NAALADL2: variants seen among roughly 807,000 people sequenced by gnomAD.
NAALADL2 encodes N-acetylated alpha-linked acidic dipeptidase like 2, also known as inactive N-acetylated-alpha-linked acidic dipeptidase-like protein 2.
A neutral mutation model predicts 87.2 loss-of-function variants in NAALADL2; 76 were observed. The ratio of observed to expected loss-of-function variants is 0.87; its 90% confidence interval spans 0.72 to 1.05. The LOEUF (loss-of-function observed/expected upper bound fraction) is 1.05, where lower values mean the gene tolerates loss of function less well. Among genes scored for constraint, NAALADL2 ranks in the 50% least tolerant of loss-of-function variants. The pLI, the probability that NAALADL2 is intolerant of heterozygous loss-of-function variation, is 0.00. For synonymous variants in NAALADL2, 354 were observed against 331.0 expected (o/e 1.07, Z -0.75); for missense variants, 1,089 against 945.8 (o/e 1.15, Z -1.99).
chr3:174,644,260 T>G (rs1723552722), intron 2 of NAALADL2, among the ~76,000 whole-genome samples: 1 of 152,212 alleles, frequency 6.6e-6, no homozygotes, highest in African/African-American at 2.4e-5. Flanking sequence ...GCCTTAACAA[T>G]CATATAAACA....
At chr3:174,496,083 G>A (rs1718516639) in intron 1 of NAALADL2, among the ~76,000 whole-genome samples, 1 of 152,082 alleles carries the variant, frequency 6.6e-6, no homozygotes, top group Non-Finnish European at 1.5e-5. Context: ...GCTAGGTGGG[G>A]CACCTCTGGC....
chr3:175,587,981 A>C (rs1321789575), intron 10 of NAALADL2, among the ~76,000 whole-genome samples: 1 of 152,098 alleles, frequency 6.6e-6, no homozygotes, highest in Non-Finnish European at 1.5e-5. Context: ...CCATTTGTGC[A>C]GGGAATTCTG....
Position 175,368,739 on chromosome 3 carries a change from C to T in NAALADL2, c.1090+44414C>T, listed in dbSNP as rs74864117. Reference sequence around the variant, plus strand: ...ACATAACACAAACACATTGTGTAGCCTCCTAAACAACTAGGTTATGTCGTA... The same window carrying T: ...ACATAACACAAACACATTGTGTAGCTTCCTAAACAACTAGGTTATGTCGTA... On this transcript the variant is annotated intron_variant, in intron 5 of 13. Coordinates refer to ENST00000454872, the MANE Select transcript of NAALADL2 (RefSeq NM_207015.3). Among the ~76,000 whole-genome samples the T allele has an allele frequency of 3.5e-3, 528 of 152,130 alleles. 8 individuals are homozygous for T. Among genetic ancestry groups the T allele is most frequent in the African/African-American group, 0.012 (505 of 41,504 alleles).
chr3:174,548,785 T>C (rs565378366), intron 1 of NAALADL2, among the ~76,000 whole-genome samples: 7 of 152,340 alleles, frequency 4.6e-5, no homozygotes, highest in African/African-American at 1.7e-4. Context: ...TCCCATCTTC[T>C]ATACCTTAAA....
intron 1 of NAALADL2, among the ~76,000 whole-genome samples, chr3:174,467,979 A>T (rs944515373): frequency 6.6e-6 from 1 of 152,198 alleles, no homozygotes; most frequent in Non-Finnish European, 1.5e-5. Context: ...GTAAAGGTTA[A>T]GACAAAAATT....
At chr3:175,676,969 G>A (rs1421031216) in intron 11 of NAALADL2, among the ~76,000 whole-genome samples, 1 of 152,152 alleles carries the variant, frequency 6.6e-6, no homozygotes, top group South Asian at 2.1e-4. Context: ...TAGAAACCAG[G>A]AGATATAAAT....
At chr3:174,933,486 T>C (rs774582358) in intron 1 of NAALADL2, among the ~76,000 whole-genome samples, 1 of 152,220 alleles carries the variant, frequency 6.6e-6, no homozygotes, top group Non-Finnish European at 1.5e-5. Context: ...TCATTATAGG[T>C]TCTGACACTT....
intron 1 of NAALADL2, chr3:174,864,127 G>A (rs1377980790): frequency 2.2e-6 from 1 of 451,854 alleles, no homozygotes. Flanking sequence ...AGGCAAAGGT[G>A]CATGTGAAGA....
At position 174,641,043 on chromosome 3, in the gene NAALADL2, G is replaced by T. The variant is rs1304736549; in HGVS notation, c.-115+90406G>T. Among the ~76,000 whole-genome samples, 4 of 152,306 alleles carry T rather than the reference G, an allele frequency of 2.6e-5. No individual in the cohort carries two copies. The East Asian group carries it at 7.8e-4, about 30-fold the overall frequency. ...GCCCCAAAGGCAAACCCAGGGGCTGGTGGGGCCAGAGCAGGTGACTTGGAG... is the reference window on the plus strand; with the variant it reads ...GCCCCAAAGGCAAACCCAGGGGCTGTTGGGGCCAGAGCAGGTGACTTGGAG... On this transcript the variant is annotated intron_variant, in intron 2 of 3. Transcript: ENST00000434257.
intron 1 of NAALADL2, among the ~76,000 whole-genome samples, chr3:174,951,149 C>T (rs1740278430): frequency 6.6e-6 from 1 of 151,992 alleles, no homozygotes; most frequent in Non-Finnish European, 1.5e-5. Flanking sequence ...CTATACAACC[C>T]TATTTTAGTT....
intron 11 of NAALADL2, among the ~76,000 whole-genome samples, chr3:175,689,774 T>C (rs1736797186): frequency 6.6e-6 from 1 of 152,124 alleles, no homozygotes; most frequent in South Asian, 2.1e-4. Flanking sequence ...TTCTTCAAAA[T>C]GTCCACCAGC....
In NAALADL2 at chr3:174,674,449, T is replaced by C. The variant is rs574635674; in HGVS notation, c.-114-63192T>C. ...GTATGTATTGAAAACCTACAAATAC[T>C]GTGAAACGGAGCTTCTTTGTTTCAA... On this transcript the variant is annotated intron_variant, in intron 2 of 3. Coordinates refer to the NAALADL2 transcript ENST00000434257. 3.3e-5 allele frequency among the ~76,000 whole-genome samples: 5 copies of C among 152,142 alleles called. No homozygotes were observed. The East Asian group carries it at 9.7e-4, about 29-fold the overall frequency.
chr3:175,603,510 G>A (rs1481005198), intron 10 of NAALADL2, among the ~76,000 whole-genome samples: 1 of 152,092 alleles, frequency 6.6e-6, no homozygotes, highest in African/African-American at 2.4e-5. Context: ...CCACCTGTTA[G>A]TTTCTATCTC....
chr3:175,114,257 A>G (rs1440528209), intron 2 of NAALADL2, among the ~76,000 whole-genome samples: 2 of 151,694 alleles, frequency 1.3e-5, no homozygotes, highest in African/African-American at 4.8e-5. Flanking sequence ...TTGGAGGACT[A>G]TTAAATCACG....
At chr3:174,849,752 A>AT (rs1293699912) in intron 3 of NAALADL2, among the ~76,000 whole-genome samples, 4 of 151,188 alleles carry the variant, frequency 2.6e-5, no homozygotes, top group African/African-American at 9.7e-5. Context: ...AAAAAAAAAA[A>AT]AAAAAAAGAT....
At chr3:174,640,065 T>C (rs565836005) in intron 2 of NAALADL2, among the ~76,000 whole-genome samples, 3 of 152,206 alleles carry the variant, frequency 2.0e-5, no homozygotes, top group Non-Finnish European at 4.4e-5. Flanking sequence ...TTGTTATTTG[T>C]AATGCTTTAA....
chr3:174,715,173 A>G (rs1017783274), intron 2 of NAALADL2, among the ~76,000 whole-genome samples: 2 of 152,150 alleles, frequency 1.3e-5, no homozygotes, highest in Admixed American at 1.3e-4. Context: ...ATCCAAATCA[A>G]TTCTGGAAAC....
At chr3:174,882,815 A>ACACG (rs1255521258) in intron 1 of NAALADL2, among the ~76,000 whole-genome samples, 1 of 135,284 alleles carries the variant, frequency 7.4e-6, no homozygotes, top group African/African-American at 3.5e-5. Context: ...ATATGTGCAT[A>ACACG]TGTGTATATA....
chr3:174,635,884 TTA>T (rs1329824826), intron 2 of NAALADL2, among the ~76,000 whole-genome samples: 2 of 152,226 alleles, frequency 1.3e-5, no homozygotes, highest in Non-Finnish European at 1.5e-5. Flanking sequence ...GATGACATTT[TTA>T]TATGTGATGT....
Sources: gnomAD v4.1 joint callset for allele counts (sites outside exome capture counted in the v4.1 genomes callset) on GRCh38, gnomAD v4.1.1 for gene constraint, MANE v1.5 for transcripts, NCBI Gene and HGNC (gene_info 2026-07-23, HGNC 2026-07-21) for gene names.